Variants in HERC4 observed in about 807,000 individuals in gnomAD.
The protein encoded by HERC4 is probable E3 ubiquitin-protein ligase HERC4.
In HERC4, 28 loss-of-function variants were observed where a neutral mutation model predicts 124.3. That is an observed-to-expected ratio of 0.23 (90% CI 0.17 to 0.31). HERC4 has a LOEUF of 0.31. Among genes scored for constraint, HERC4 ranks in the 10% least tolerant of loss-of-function variants. The pLI is 1.00. For synonymous variants in HERC4, 407 were observed against 421.5 expected (o/e 0.97, Z 0.42); for missense variants, 713 against 1,229.3 (o/e 0.58, Z 6.28).
intron 4 of HERC4, among the ~76,000 whole-genome samples, chr10:68,039,025 C>A (rs116604402): frequency 6.6e-6 from 1 of 151,624 alleles, no homozygotes; most frequent in Non-Finnish European, 1.5e-5. Flanking sequence ...ATGCCAGATG[C>A]GGATTACAGG....
chr10:67,944,309 C>T (rs2033154549), intron 19 of HERC4, among the ~76,000 whole-genome samples: 2 of 152,214 alleles, frequency 1.3e-5, no homozygotes, highest in South Asian at 4.1e-4. Context: ...CCTGATAATC[C>T]AGAGGATTCT....
intron 3 of HERC4, among the ~76,000 whole-genome samples, chr10:68,049,583 A>G: frequency 1.1e-5 from 1 of 87,986 alleles, no homozygotes; most frequent in East Asian, 5.7e-4. Context: ...AGAGTGAGAC[A>G]CTGCCACAAA....
chr10:67,956,859 C>T lies in HERC4; in HGVS notation c.2025+19G>A, dbSNP rs746181402. ...AAAGAAACAATTAAAAAAAAAAACC[C>T]TCTCAAATAATATTTTACCTGCATC... On this transcript the variant is annotated intron_variant, in intron 17 of 24. Transcript: ENST00000373700. The T allele has an allele frequency of 2.8e-6, 4 of 1,453,394 alleles. No homozygotes were observed. The highest frequency in any genetic ancestry group is 3.7e-6 in the Non-Finnish European group (4 of 1,070,284). 90.0% of individuals were successfully genotyped at this position (1,453,394 alleles called of 1,614,324 possible).
At chr10:67,954,231 T>A (rs2033996243) in intron 19 of HERC4, 1 of 160,916 alleles carries the variant, frequency 6.2e-6, no homozygotes, top group Admixed American at 6.4e-5. Flanking sequence ...TCTGCTGACC[T>A]GCTCTAAATG....
At chr10:68,060,486 G>A (rs1350191393) in intron 3 of HERC4, among the ~76,000 whole-genome samples, 8 of 152,006 alleles carry the variant, frequency 5.3e-5, no homozygotes, top group Admixed American at 2.6e-4. Context: ...TGATCCACCC[G>A]CCTCGACCTC....
In HERC4 at chr10:67,922,469, C is replaced by T. The variant is rs1317285031; in HGVS notation, c.*462G>A. On this transcript the variant is annotated 3_prime_UTR_variant, in exon 25 of 25. Transcript: ENST00000373700. ...AAAGTCTGTTCAAGTTCAATTACAA[C>T]CATAGAAACTGTACTGGTATCAGAA... 1 of 152,068 alleles carries T rather than the reference C, an allele frequency of 6.6e-6. No individual in the cohort carries two copies. The highest frequency in any genetic ancestry group is 6.6e-5 in the Admixed American group (1 of 15,242). The allele number at this position is 152,068 out of a possible 1,614,324, so 9.4% of individuals were successfully genotyped here. A position where few individuals can be genotyped will look rare whatever the true frequency, so the allele number is the denominator to read the frequency against.
chr10:67,954,959 T>C lies in HERC4; in HGVS notation c.2193+4A>G, dbSNP rs2034046762. The C allele has an allele frequency of 6.3e-7, 1 of 1,585,740 alleles. No homozygotes were observed. The highest frequency in any genetic ancestry group is 1.4e-5 in the African/African-American group (1 of 72,698). On this transcript the variant is annotated splice_donor_region_variant and intron_variant, in intron 18 of 24. Transcript: ENST00000373700. ...CAATTATACCACAGAAAATGTCAAA[T>C]TACCTTGAGTGGCTTCTTGTAATCT...
intron 8 of HERC4, among the ~76,000 whole-genome samples, chr10:68,017,520 G>C (rs1484319822): frequency 6.6e-6 from 1 of 152,194 alleles, no homozygotes; most frequent in Non-Finnish European, 1.5e-5. Flanking sequence ...TTTTCGCTCT[G>C]TTGCCCAGGC....
intron 15 of HERC4, among the ~76,000 whole-genome samples, chr10:67,982,898 C>T (rs573446547): frequency 6.6e-6 from 1 of 151,844 alleles, no homozygotes; most frequent in East Asian, 1.9e-4. Context: ...GAGGCTGAGA[C>T]GGGTGGATCG....
intron 15 of HERC4, among the ~76,000 whole-genome samples, chr10:67,976,521 T>G (rs1282302135): frequency 6.6e-6 from 1 of 152,046 alleles, no homozygotes; most frequent in Non-Finnish European, 1.5e-5. Context: ...AATGGAAAGC[T>G]CCACTGATTG....
At chr10:67,947,018 A>G (rs2033419544) in intron 19 of HERC4, among the ~76,000 whole-genome samples, 1 of 152,214 alleles carries the variant, frequency 6.6e-6, no homozygotes, top group African/African-American at 2.4e-5. Context: ...CCCCAATACA[A>G]TAATAGCTGG....
At chr10:68,005,178 T>G (rs1324498401) in intron 9 of HERC4, among the ~76,000 whole-genome samples, 1 of 152,218 alleles carries the variant, frequency 6.6e-6, no homozygotes. Context: ...GTCTGTCTCT[T>G]GTTAGCTCTA....
chr10:68,001,207 C>CA (rs971565068), intron 9 of HERC4, among the ~76,000 whole-genome samples: 30 of 151,560 alleles, frequency 2.0e-4, no homozygotes, highest in African/African-American at 6.8e-4. Flanking sequence ...CCCGTCTCTA[C>CA]AAAAAAATTT....
chr10:68,040,277 C>T (rs1336175875), intron 4 of HERC4: 1 of 981,260 alleles, frequency 1.0e-6, no homozygotes, highest in African/African-American at 1.8e-5. Flanking sequence ...TTATATGCTA[C>T]AGAGACCAGA....
chr10:68,072,290 G>A (rs961729163), intron 3 of HERC4, among the ~76,000 whole-genome samples: 1 of 152,066 alleles, frequency 6.6e-6, no homozygotes, highest in Non-Finnish European at 1.5e-5. Context: ...TAATTTGCTT[G>A]TACAACTACT....
intron 9 of HERC4, among the ~76,000 whole-genome samples, chr10:68,002,815 GT>G (rs1314731671): frequency 6.6e-6 from 1 of 151,942 alleles, no homozygotes; most frequent in African/African-American, 2.4e-5. Flanking sequence ...GGCCAGGCTG[GT>G]CTCAAACTCC....
intron 15 of HERC4, 83 bp from the exon 16 acceptor site, chr10:67,966,885 C>CAAAA: frequency 2.8e-6 from 3 of 1,080,122 alleles, no homozygotes; most frequent in Non-Finnish European, 3.8e-6. Context: ...GACGGAGTCT[C>CAAAA]ACTCTGTCAA....
intron 19 of HERC4, among the ~76,000 whole-genome samples, chr10:67,948,266 A>G: frequency 6.6e-6 from 1 of 152,196 alleles, no homozygotes; most frequent in East Asian, 1.9e-4. Flanking sequence ...TAAATGTATT[A>G]GAGAATAGAA....
chr10:67,949,577 C>A (rs1158146411), intron 19 of HERC4, among the ~76,000 whole-genome samples: 1 of 152,160 alleles, frequency 6.6e-6, no homozygotes, highest in Non-Finnish European at 1.5e-5. Context: ...ATAATAGCAA[C>A]CTCAATCAAG....
Sources: gnomAD v4.1 joint callset for allele counts (sites outside exome capture counted in the v4.1 genomes callset) on GRCh38, gnomAD v4.1.1 for gene constraint, MANE v1.5 for transcripts, NCBI Gene and HGNC (gene_info 2026-07-23, HGNC 2026-07-21) for gene names.